Variants in AUTS2 observed in about 807,000 individuals in gnomAD.
AUTS2 encodes the protein autism susceptibility gene 2 protein.
In AUTS2, 17 loss-of-function variants were observed where a neutral mutation model predicts 112.4. That is an observed-to-expected ratio of 0.15 (90% confidence interval 0.10 to 0.23). The LOEUF (loss-of-function observed/expected upper bound fraction) is 0.23. Ranked by LOEUF, AUTS2 falls within the 10% of genes least tolerant of loss-of-function variation. The pLI is 1.00. For missense variants in AUTS2, 1,510 were observed against 1,701.6 expected (o/e 0.89, Z 1.98); for synonymous variants, 751 against 702.7 (o/e 1.07, Z -1.09).
chr7:70,617,649 C>T (rs1437042249), intron 5 of AUTS2, among the ~76,000 whole-genome samples: 1 of 141,704 alleles, frequency 7.1e-6, no homozygotes, highest in African/African-American at 2.7e-5. Context: ...GGCGACAGAG[C>T]GAGACACTGT....
chr7:70,555,417 T>G (rs973598953), intron 5 of AUTS2, among the ~76,000 whole-genome samples: 10 of 152,212 alleles, frequency 6.6e-5, no homozygotes, highest in African/African-American at 2.4e-4. Context: ...CTCAAAGCCT[T>G]GAGTATGCTG....
chr7:70,698,431 G>C (rs1809255729), intron 5 of AUTS2, 138 bp from the exon 6 acceptor site: 1 of 687,634 alleles, frequency 1.5e-6, no homozygotes. Flanking sequence ...CCACCTTATG[G>C]ATGATTTGGG....
At chr7:70,145,497 A>G (rs1279548034) in intron 4 of AUTS2, among the ~76,000 whole-genome samples, 1 of 152,156 alleles carries the variant, frequency 6.6e-6, no homozygotes, top group Non-Finnish European at 1.5e-5. Flanking sequence ...ATTATGTAAA[A>G]ATAGAGGAAA....
chr7:70,191,298 G>T (rs1809876995), intron 4 of AUTS2, among the ~76,000 whole-genome samples: 1 of 150,438 alleles, frequency 6.6e-6, no homozygotes, highest in Non-Finnish European at 1.5e-5. Context: ...CTCCCTAGTA[G>T]CTGGGACTAC....
In AUTS2 at chr7:70,760,421, C is replaced by T. The variant is rs1026081013; in HGVS notation, c.743-2449C>T. 3.9e-5 allele frequency among the ~76,000 whole-genome samples: 6 copies of T among 152,364 alleles called. No homozygotes were observed. The East Asian group carries it at 1.2e-3, about 29-fold the overall frequency. ...ACCTAGAACTTCTCACTGGGTGAAA[C>T]CCCTCCTCTGTTTTGTGCTGTTAGG... is the stretch of plus-strand genomic sequence containing the variant. On this transcript the variant is annotated intron_variant, in intron 6 of 18. Coordinates refer to ENST00000342771, the MANE Select transcript of AUTS2 (RefSeq NM_015570.4).
intron 1 of AUTS2, among the ~76,000 whole-genome samples, chr7:69,651,556 G>T (rs770242472): frequency 1.2e-4 from 18 of 152,194 alleles, no homozygotes; most frequent in Non-Finnish European, 2.2e-4. Context: ...GACTGACTGT[G>T]TTTCTGCCTT....
intron 1 of AUTS2, among the ~76,000 whole-genome samples, chr7:69,866,884 A>G (rs1036426939): frequency 2.6e-5 from 4 of 152,330 alleles, no homozygotes; most frequent in South Asian, 2.1e-4. Flanking sequence ...GTAAGCATTT[A>G]CAGCCTGGGT....
chr7:70,329,289 A>G (rs1790638130), intron 4 of AUTS2, among the ~76,000 whole-genome samples: 1 of 152,172 alleles, frequency 6.6e-6, no homozygotes, highest in African/African-American at 2.4e-5. Context: ...TTCTGCATAT[A>G]TACCTAGGAG....
At chr7:70,605,772 A>G (rs928493040) in intron 5 of AUTS2, among the ~76,000 whole-genome samples, 2 of 152,178 alleles carry the variant, frequency 1.3e-5, no homozygotes, top group South Asian at 2.1e-4. Context: ...AATTTGAGGA[A>G]TACACACAGA....
chr7:70,504,612 C>G (rs1210559865), intron 5 of AUTS2, among the ~76,000 whole-genome samples: 2 of 152,168 alleles, frequency 1.3e-5, no homozygotes, highest in East Asian at 3.9e-4. Flanking sequence ...TGGACAATAT[C>G]AGTTACTTGA....
intron 5 of AUTS2, among the ~76,000 whole-genome samples, chr7:70,448,197 C>T (rs1163626255): frequency 1.3e-5 from 2 of 152,152 alleles, no homozygotes; most frequent in Non-Finnish European, 2.9e-5. Flanking sequence ...CTCTAGCCGC[C>T]TCATCGCTTT....
intron 1 of AUTS2, among the ~76,000 whole-genome samples, chr7:69,840,070 T>C (rs549820981): frequency 1.3e-5 from 2 of 152,214 alleles, no homozygotes; most frequent in East Asian, 3.9e-4. Context: ...GGCAGCGTCT[T>C]TGAAAACCTT....
chr7:70,384,586 G>A (rs972115768), intron 4 of AUTS2, among the ~76,000 whole-genome samples: 4 of 152,158 alleles, frequency 2.6e-5, no homozygotes, highest in Non-Finnish European at 4.4e-5. Context: ...CGGCGCCAAC[G>A]GTGCCAAGAG....
chr7:70,422,933 G>GTAATTATTAATTATTAATTTAT lies in AUTS2; in HGVS notation c.661-12814_661-12813insATTAATTATTAATTTATTAATT, dbSNP rs1379092554. Among the ~76,000 whole-genome samples the GTAATTATTAATTATTAATTTAT allele has an allele frequency of 4.7e-4, 72 of 152,218 alleles. 1 individual carries two copies. Among genetic ancestry groups the GTAATTATTAATTATTAATTTAT allele is most frequent in the Non-Finnish European group, 5.9e-5 (4 of 68,022 alleles). On this transcript the variant is annotated intron_variant, in intron 4 of 18. Transcript: ENST00000342771. ...ACCTTCCCTCAGGTATTTTGCTACT[G>GTAATTATTAATTATTAATTTAT]TAATTTATTAATTCTTTCACATATA... is the stretch of plus-strand genomic sequence containing the variant.
intron 5 of AUTS2, among the ~76,000 whole-genome samples, chr7:70,534,230 GTTGCTGCC>G (rs1800215177): frequency 6.6e-6 from 1 of 152,208 alleles, no homozygotes; most frequent in Non-Finnish European, 1.5e-5. Flanking sequence ...TGCCCTGCTG[GTTGCTGCC>G]TTTTGCTGCT....
At chr7:69,704,886 A>G (rs1475781211) in intron 1 of AUTS2, among the ~76,000 whole-genome samples, 1 of 151,774 alleles carries the variant, frequency 6.6e-6, no homozygotes, top group Non-Finnish European at 1.5e-5. Flanking sequence ...TTTCTTTTTG[A>G]GGCAGGGTCT....
At chr7:70,091,713 A>G (rs1803931139) in intron 2 of AUTS2, among the ~76,000 whole-genome samples, 2 of 152,134 alleles carry the variant, frequency 1.3e-5, no homozygotes, top group Non-Finnish European at 2.9e-5. Context: ...ATAAGCCTGA[A>G]ATGGTGGCCC....
At position 69,611,936 on chromosome 7, in the gene AUTS2, C is replaced by CAAAAAAAAA. The variant is rs896215968; in HGVS notation, c.309+11987_309+11995dup. ...TGGGCGACAGAGCGAGACTCCGTCT[C>CAAAAAAAAA]AAAAAAAAAAAAAAAAAAAAATTGT... On this transcript the variant is annotated intron_variant, in intron 1 of 18. Transcript: ENST00000342771. Among the ~76,000 whole-genome samples the CAAAAAAAAA allele has an allele frequency of 8.2e-5, 7 of 85,746 alleles. 1 individual carries two copies. Among genetic ancestry groups the CAAAAAAAAA allele is most frequent in the East Asian group, 3.7e-4 (1 of 2,692 alleles). The allele number at this position is 85,746 out of a possible 152,430, so 56.3% of individuals were successfully genotyped here.
At chr7:70,578,341 A>G (rs1393401130) in intron 5 of AUTS2, among the ~76,000 whole-genome samples, 1 of 152,248 alleles carries the variant, frequency 6.6e-6, no homozygotes, top group African/African-American at 2.4e-5. Context: ...AAGGCATCAA[A>G]GGCTAAATCG....
Sources: allele counts gnomAD v4.1 joint callset (sites outside exome capture counted in the v4.1 genomes callset), GRCh38; gene constraint gnomAD v4.1.1; transcripts MANE v1.5; gene names NCBI Gene and HGNC (gene_info 2026-07-23, HGNC 2026-07-21).